The following HECW2 variants were observed in gnomAD, a reference collection of about 807,000 sequenced individuals.
The protein encoded by HECW2 is HECT, C2 and WW domain containing E3 ubiquitin protein ligase 2.
Under a neutral mutation model 175.2 loss-of-function variants are expected in HECW2, and 61 were observed. The ratio of observed to expected loss-of-function variants is 0.35; its 90% confidence interval spans 0.28 to 0.43. The LOEUF (loss-of-function observed/expected upper bound fraction) is 0.43, where lower values mean the gene tolerates loss of function less well. HECW2 is among the 20% of genes least tolerant of loss of function. HECW2 has a pLI of 1.00. For missense variants in HECW2, 1,524 were observed against 2,000.5 expected (o/e 0.76, Z 4.54); for synonymous variants, 671 against 731.0 (o/e 0.92, Z 1.32).
intron 14 of HECW2, among the ~76,000 whole-genome samples, chr2:196,278,963 A>G (rs977555975): frequency 2.0e-5 from 3 of 152,136 alleles, no homozygotes; most frequent in African/African-American, 7.2e-5. Context: ...AAGAATGGAC[A>G]TTTAGGCTTC....
At chr2:196,382,704 TA>T (rs140231771) in intron 2 of HECW2, among the ~76,000 whole-genome samples, 4,058 of 152,276 alleles carry the variant, frequency 0.027, 180 homozygotes, top group African/African-American at 0.091. Context: ...TCATTATTTA[TA>T]AATAACCTGG....
chr2:196,303,980 C>G (rs943473249), intron 13 of HECW2, among the ~76,000 whole-genome samples: 1 of 152,242 alleles, frequency 6.6e-6, no homozygotes, highest in South Asian at 2.1e-4. Context: ...TGCCTTACCA[C>G]AGTAGCTTTT....
At chr2:196,358,821 G>A (rs1693481564) in intron 2 of HECW2, among the ~76,000 whole-genome samples, 1 of 152,068 alleles carries the variant, frequency 6.6e-6, no homozygotes, top group South Asian at 2.1e-4. Context: ...GATGCCAAAA[G>A]AACAGGCAGC....
Position 196,368,079 on chromosome 2 carries a change from A to G in HECW2, c.293-24315T>C, listed in dbSNP as rs200333333. On this transcript the variant is annotated intron_variant, in intron 2 of 28. Transcript: ENST00000644978. ...TCTTGGCTATTGTGAACAGTGCTGCAGCAAACAGTGCAGATATCTCTTCGA... is the reference window on the plus strand; with the variant it reads ...TCTTGGCTATTGTGAACAGTGCTGCGGCAAACAGTGCAGATATCTCTTCGA... Among the ~76,000 whole-genome samples the G allele has an allele frequency of 3.3e-5, 5 of 152,142 alleles. No individual in the cohort carries two copies. The East Asian group carries it at 5.8e-4, about 18-fold the overall frequency.
At chr2:196,310,238 C>A (rs1691441251) in intron 10 of HECW2, among the ~76,000 whole-genome samples, 1 of 152,120 alleles carries the variant, frequency 6.6e-6, no homozygotes, top group South Asian at 2.1e-4. Flanking sequence ...AAAACAAGGA[C>A]CAAAAATTTG....
intron 14 of HECW2, among the ~76,000 whole-genome samples, chr2:196,284,073 C>T (rs1480021725): frequency 2.0e-5 from 3 of 152,068 alleles, no homozygotes; most frequent in Non-Finnish European, 4.4e-5. Flanking sequence ...TATGTTCTTC[C>T]CACTCCCCTC....
At chr2:196,313,928 A>G (rs1461230110) in intron 10 of HECW2, among the ~76,000 whole-genome samples, 1 of 152,102 alleles carries the variant, frequency 6.6e-6, no homozygotes, top group Non-Finnish European at 1.5e-5. Flanking sequence ...AGGCATGATC[A>G]TGCTTGCCTA....
At chr2:196,437,725 C>T (rs1273336358) in intron 1 of HECW2, among the ~76,000 whole-genome samples, 2 of 151,970 alleles carry the variant, frequency 1.3e-5, no homozygotes, top group East Asian at 1.9e-4. Context: ...TTAGGCCCAT[C>T]CAGCGTCACA....
chr2:196,310,226 A>C (rs565240572), intron 10 of HECW2, among the ~76,000 whole-genome samples: 39 of 152,362 alleles, frequency 2.6e-4, no homozygotes, highest in African/African-American at 8.4e-4. Context: ...GGGGAGAATA[A>C]GAAAACAAGG....
chr2:196,226,744 GA>G (rs1687865697), intron 22 of HECW2, among the ~76,000 whole-genome samples: 1 of 152,162 alleles, frequency 6.6e-6, no homozygotes, highest in South Asian at 2.1e-4. Flanking sequence ...CCCAGTCTCA[GA>G]TCAAGAAAGT....
At position 196,313,581 on chromosome 2, in the gene HECW2, A is replaced by G. The variant is rs1328519059; in HGVS notation, c.2434+3693T>C. Among the ~76,000 whole-genome samples, 2 of 152,198 alleles carry G rather than the reference A, an allele frequency of 1.3e-5. 1 individual carries two copies. The highest frequency in any genetic ancestry group is 4.1e-4 in the South Asian group (2 of 4,824). On this transcript the variant is annotated intron_variant, in intron 10 of 28. Transcript: ENST00000644978. The stretch of plus-strand genomic sequence containing the variant: ...GGCAAGAGTAAGATTTTGAGAACCA[A>G]TTGGTAGATCACCATCACCACTGAT...
intron 21 of HECW2, among the ~76,000 whole-genome samples, chr2:196,231,034 C>CA (rs1198178006): frequency 8.3e-6 from 1 of 120,586 alleles, no homozygotes; most frequent in Non-Finnish European, 1.6e-5. Context: ...ACCAGGGAGT[C>CA]AGAGGTTGCA....
intron 2 of HECW2, among the ~76,000 whole-genome samples, chr2:196,385,235 A>T (rs563524529): frequency 1.3e-5 from 2 of 152,034 alleles, no homozygotes; most frequent in African/African-American, 4.8e-5. Context: ...TCTGTATCTC[A>T]TATGCAATAA....
rs1690405185 is a variant in HECW2, at chr2:196,571,972, C to T, written c.-36+21536G>A. Among the ~76,000 whole-genome samples, 5 of 152,162 alleles carry T rather than the reference C, an allele frequency of 3.3e-5. 1 individual carries two copies. The highest frequency in any genetic ancestry group is 3.3e-4 in the Admixed American group (5 of 15,280). On this transcript the variant is annotated intron_variant, in intron 1 of 28. Transcript: ENST00000644978. ...CTTACAAGGGAAGGAAATTCTGACACATACTACAACATGGAAGAATCTTGA... is the reference window on the plus strand; with the variant it reads ...CTTACAAGGGAAGGAAATTCTGACATATACTACAACATGGAAGAATCTTGA...
chr2:196,339,069 T>C (rs1023895178), intron 3 of HECW2, among the ~76,000 whole-genome samples: 2 of 152,172 alleles, frequency 1.3e-5, no homozygotes, highest in East Asian at 1.9e-4. Flanking sequence ...AGAAACCTAA[T>C]AGGACTAGAG....
chr2:196,445,813 G>A (rs193084316), intron 1 of HECW2, among the ~76,000 whole-genome samples: 48 of 152,204 alleles, frequency 3.2e-4, no homozygotes, highest in Admixed American at 2.2e-3. Flanking sequence ...AAAATATGGC[G>A]TGCATTCTAG....
intron 2 of HECW2, among the ~76,000 whole-genome samples, chr2:196,358,044 C>G (rs1195155472): frequency 1.3e-5 from 2 of 152,218 alleles, no homozygotes; most frequent in Non-Finnish European, 2.9e-5. Context: ...TATTACACCA[C>G]TTGATACTCA....
chr2:196,392,773 A>G (rs977866763), intron 2 of HECW2, among the ~76,000 whole-genome samples: 1 of 152,192 alleles, frequency 6.6e-6, no homozygotes, highest in Admixed American at 6.5e-5. Context: ...CACTATTTAC[A>G]TACAAAAGAT....
chr2:196,525,198 T>C (rs376041542), intron 1 of HECW2, among the ~76,000 whole-genome samples: 1 of 147,884 alleles, frequency 6.8e-6, no homozygotes, highest in Non-Finnish European at 1.5e-5. Context: ...TAATTAGCTC[T>C]TCTTGTTGAA....
Sources: allele counts gnomAD v4.1 joint callset (sites outside exome capture counted in the v4.1 genomes callset), GRCh38; gene constraint gnomAD v4.1.1; transcripts MANE v1.5; gene names NCBI Gene and HGNC (gene_info 2026-07-23, HGNC 2026-07-21).